Variants in ZNRF2 observed in about 807,000 individuals in gnomAD.
ZNRF2 encodes E3 ubiquitin-protein ligase ZNRF2.
Under a neutral mutation model 20.4 loss-of-function variants are expected in ZNRF2, and 16 were observed. That is an observed-to-expected ratio of 0.79 (90% confidence interval 0.53 to 1.19). The LOEUF is 1.19. Among genes scored for constraint, ZNRF2 ranks in the 50% most tolerant of loss-of-function variants. ZNRF2 has a pLI of 0.00. For missense variants in ZNRF2, 363 were observed against 332.4 expected (o/e 1.09, Z -0.72); for synonymous variants, 178 against 144.9 (o/e 1.23, Z -1.64).
At chr7:30,293,396 G>T (rs1333887605) in intron 1 of ZNRF2, among the ~76,000 whole-genome samples, 1 of 151,906 alleles carries the variant, frequency 6.6e-6, no homozygotes, top group Non-Finnish European at 1.5e-5. Context: ...TTACAGGTGT[G>T]CACCACCATG....
chr7:30,308,442 G>A (rs1342655512), intron 1 of ZNRF2, among the ~76,000 whole-genome samples: 2 of 152,132 alleles, frequency 1.3e-5, no homozygotes, highest in Non-Finnish European at 1.5e-5. Flanking sequence ...GTCCTTGAAC[G>A]AGCACCATTG....
chr7:30,333,614 C>T (rs544545320), intron 2 of ZNRF2, among the ~76,000 whole-genome samples: 11 of 152,220 alleles, frequency 7.2e-5, no homozygotes, highest in South Asian at 2.1e-4. Flanking sequence ...GTGATCCTTC[C>T]GCCTCAGGCT....
At chr7:30,355,865 G>C (rs763110379) in intron 3 of ZNRF2, 32 bp downstream of exon 3, 1 of 1,542,048 alleles carries the variant, frequency 6.5e-7, no homozygotes, top group Non-Finnish European at 8.9e-7. Context: ...TAGAGTAAAA[G>C]ATTGTTCTCA....
At position 30,285,522 on chromosome 7, in the gene ZNRF2, C is replaced by A. The variant is rs1333493051; in HGVS notation, c.165C>A (p.Ser55Arg). The A allele has an allele frequency of 2.0e-6, 2 of 1,015,494 alleles. No homozygotes were observed. Among genetic ancestry groups the A allele is most frequent in the Non-Finnish European group, 2.3e-6 (2 of 852,636 alleles). 62.9% of individuals were successfully genotyped at this position (1,015,494 alleles called of 1,614,324 possible). A position where few individuals can be genotyped will look rare whatever the true frequency, so the allele number is the denominator to read the frequency against. ...AAGRFPAQVP[S>R]AHQPSASGGA... is the part of the protein sequence containing the mutation. ...GGAGGTTCCCGGCTCAGGTGCCCAG[C>A]GCGCACCAGCCCAGCGCCTCCGGCG... Residue 55 changes from serine to arginine, a missense_variant, in exon 1 of 5, where the codon AGC becomes AGA. Physicochemically the swap from Ser to Arg is moderately radical, Grantham distance 110. This residue lies in a region of ZNRF2 where 302 missense variants were observed against 231.5 expected (regional missense o/e 1.30). Coordinates refer to ENST00000323037, the MANE Select transcript of ZNRF2 (RefSeq NM_147128.4).
intron 1 of ZNRF2, among the ~76,000 whole-genome samples, chr7:30,322,427 GTC>G (rs1019742703): frequency 6.6e-6 from 1 of 152,166 alleles, no homozygotes; most frequent in African/African-American, 2.4e-5. Flanking sequence ...CTGCCAAAAC[GTC>G]TCTTTCACCA....
At position 30,301,716 on chromosome 7, in the gene ZNRF2, A is replaced by C. The variant is rs573325770; in HGVS notation, c.469+15890A>C. Among the ~76,000 whole-genome samples the C allele has an allele frequency of 7.0e-3, 1,060 of 151,724 alleles. 17 individuals are homozygous for C. Among genetic ancestry groups the C allele is most frequent in the African/African-American group, 0.023 (958 of 41,408 alleles). ...GGCTTTTTTTAAAAAAAAAAAAAAA[A>C]AAAAAAACTTATCTTTGTCTTAGAT... On this transcript the variant is annotated intron_variant, in intron 1 of 4. Coordinates refer to ENST00000323037, the MANE Select transcript of ZNRF2 (RefSeq NM_147128.4).
At chr7:30,301,859 C>T (rs1799122545) in intron 1 of ZNRF2, among the ~76,000 whole-genome samples, 1 of 152,140 alleles carries the variant, frequency 6.6e-6, no homozygotes, top group South Asian at 2.1e-4. Flanking sequence ...CTCTTGTAGG[C>T]TAGTGCACTG....
At chr7:30,296,709 T>C (rs186387923) in intron 1 of ZNRF2, among the ~76,000 whole-genome samples, 12 of 152,348 alleles carry the variant, frequency 7.9e-5, no homozygotes, top group South Asian at 4.1e-4. Flanking sequence ...CACCTTACCG[T>C]ACGCAGAGTT....
At chr7:30,296,532 A>T (rs144244422) in intron 1 of ZNRF2, among the ~76,000 whole-genome samples, 255 of 152,300 alleles carry the variant, frequency 1.7e-3, no homozygotes, top group African/African-American at 5.6e-3. Context: ...TACTAAAGCA[A>T]TTCACTGCTT....
intron 4 of ZNRF2, 145 bp from the exon 5 acceptor site, chr7:30,365,890 G>A (rs1800205924): frequency 6.6e-6 from 1 of 152,068 alleles, no homozygotes; most frequent in Non-Finnish European, 1.5e-5. Context: ...TGTATTTTTT[G>A]TGACTAAACT....
chr7:30,341,955 A>G (rs568761874), intron 2 of ZNRF2, among the ~76,000 whole-genome samples: 6 of 151,932 alleles, frequency 3.9e-5, no homozygotes, highest in African/African-American at 1.2e-4. Flanking sequence ...TGTTGCATCA[A>G]TCCGCTTACC....
intron 2 of ZNRF2, among the ~76,000 whole-genome samples, chr7:30,334,256 T>C (rs1313156337): frequency 6.6e-6 from 1 of 152,170 alleles, no homozygotes; most frequent in Non-Finnish European, 1.5e-5. Flanking sequence ...AGGGTGTCCT[T>C]TCCCTGTTGT....
At chr7:30,354,438 T>C (rs1213419481) in intron 2 of ZNRF2, among the ~76,000 whole-genome samples, 1 of 152,182 alleles carries the variant, frequency 6.6e-6, no homozygotes, top group East Asian at 1.9e-4. Context: ...TCTTCTCTTA[T>C]GTAGACCAAA....
chr7:30,364,641 G>A (rs1800181314), intron 4 of ZNRF2, among the ~76,000 whole-genome samples: 1 of 152,102 alleles, frequency 6.6e-6, no homozygotes, highest in South Asian at 2.1e-4. Context: ...GAGACAAAAC[G>A]AAACTGTGGC....
intron 1 of ZNRF2, among the ~76,000 whole-genome samples, chr7:30,320,673 C>T (rs917558332): frequency 1.3e-5 from 2 of 151,970 alleles, no homozygotes; most frequent in South Asian, 2.1e-4. Context: ...GCCTAAGCTA[C>T]GATGTTTGGT....
chr7:30,295,050 A>AGAGAGAGAGTGTGTGTGT (rs1412764480), intron 1 of ZNRF2, among the ~76,000 whole-genome samples: 1 of 38,282 alleles, frequency 2.6e-5, no homozygotes, highest in Non-Finnish European at 4.8e-5. Flanking sequence ...AGAGAGAGAG[A>AGAGAGAGAGTGTGTGTGT]GTGTGTGTGT....
intron 1 of ZNRF2, among the ~76,000 whole-genome samples, chr7:30,309,846 T>G (rs1247126143): frequency 6.6e-6 from 1 of 152,162 alleles, no homozygotes; most frequent in Non-Finnish European, 1.5e-5. Context: ...TATTAAAAAT[T>G]TGTAAAAAGT....
At chr7:30,354,535 G>T (rs1441235302) in intron 2 of ZNRF2, among the ~76,000 whole-genome samples, 3 of 149,990 alleles carry the variant, frequency 2.0e-5, no homozygotes, top group Admixed American at 1.3e-4. Flanking sequence ...TTTTCTGCAG[G>T]GTACTCTTAC....
chr7:30,285,492 C>A lies in ZNRF2; in HGVS notation c.135C>A (p.Ala45=). Residue 45 remains alanine (A), a synonymous_variant, in exon 1 of 5, where the codon GCC becomes GCA. Transcript: ENST00000323037. ...GCGGCGGGGGCGCTCGGGCCGCCGCCGCGGGGAGGTTCCCGGCTCAGGTGC... is the reference window on the plus strand; with the variant it reads ...GCGGCGGGGGCGCTCGGGCCGCCGCAGCGGGGAGGTTCCCGGCTCAGGTGC... ...AGGGGGARAA[A]AGRFPAQVPS... 1 of 1,072,988 alleles carries A rather than the reference C, an allele frequency of 9.3e-7. No individual in the cohort carries two copies. The highest frequency in any genetic ancestry group is 1.1e-6 in the Non-Finnish European group (1 of 888,388). The allele number at this position is 1,072,988 out of a possible 1,614,324, so 66.5% of individuals were successfully genotyped here.
Sources: gnomAD v4.1 joint callset for allele counts (sites outside exome capture counted in the v4.1 genomes callset) on GRCh38, gnomAD v4.1.1 for gene constraint, gnomAD v4.1.1 regional missense constraint, MANE v1.5 for transcripts, NCBI Gene and HGNC (gene_info 2026-07-23, HGNC 2026-07-21) for gene names.